Variants in KCNIP4 observed in about 807,000 individuals in gnomAD.
The protein encoded by KCNIP4 is potassium voltage-gated channel interacting protein 4, also known as Kv channel-interacting protein 4.
In KCNIP4, 12 loss-of-function variants were observed where a neutral mutation model predicts 34.0. That is an observed-to-expected ratio of 0.35 (90% CI 0.23 to 0.57). The LOEUF (loss-of-function observed/expected upper bound fraction) is 0.57. KCNIP4 is among the 20% of genes least tolerant of loss of function. The probability of loss-of-function intolerance (pLI) is 0.83; values close to 1 mark genes in which losing one functional copy is unlikely to be tolerated. For synonymous variants in KCNIP4, 124 were observed against 102.2 expected (o/e 1.21, Z -1.29); for missense variants, 238 against 311.7 (o/e 0.76, Z 1.78).
Position 21,489,321 on chromosome 4 carries a change from GAAAAAA to G in KCNIP4, c.61+459244_61+459249del, listed in dbSNP as rs529825719. On this transcript the variant is annotated intron_variant, in intron 1 of 8. Transcript: ENST00000382152. ...ACACTCAGTTTATGAACATAGAGTT[GAAAAAA>G]AAAAAAAAAAACTCCTTCCAGCACT... Among the ~76,000 whole-genome samples, 6 of 125,516 alleles carry G rather than the reference GAAAAAA, an allele frequency of 4.8e-5. No homozygotes were observed. In the South Asian group the frequency reaches 1.6e-3, roughly 34 times the overall value. 82.3% of individuals were successfully genotyped at this position (125,516 alleles called of 152,430 possible).
intron 1 of KCNIP4, among the ~76,000 whole-genome samples, chr4:21,074,756 C>A (rs1745320807): frequency 6.6e-6 from 1 of 152,182 alleles, no homozygotes; most frequent in Non-Finnish European, 1.5e-5. Flanking sequence ...ATCTTTCCTG[C>A]TTTCTCTTGT....
intron 1 of KCNIP4, among the ~76,000 whole-genome samples, chr4:20,950,002 G>A (rs1232791438): frequency 1.4e-5 from 2 of 147,520 alleles, no homozygotes; most frequent in African/African-American, 5.0e-5. Context: ...AAAACTTAAA[G>A]TATAATAATA....
At chr4:20,908,766 A>G (rs1040572945) in intron 1 of KCNIP4, among the ~76,000 whole-genome samples, 2 of 152,226 alleles carry the variant, frequency 1.3e-5, no homozygotes, top group Non-Finnish European at 2.9e-5. Context: ...TGGCTTGGGC[A>G]CACTACTTAT....
At chr4:21,143,323 G>A (rs892491995) in intron 1 of KCNIP4, among the ~76,000 whole-genome samples, 1 of 152,228 alleles carries the variant, frequency 6.6e-6, no homozygotes, top group Non-Finnish European at 1.5e-5. Context: ...TTTGCAGATA[G>A]AGAAGATTAA....
At chr4:21,586,269 T>C (rs1455818371) in intron 1 of KCNIP4, among the ~76,000 whole-genome samples, 1 of 152,264 alleles carries the variant, frequency 6.6e-6, no homozygotes, top group East Asian at 1.9e-4. Context: ...TTAAATTATA[T>C]GTTCCATAAG....
intron 1 of KCNIP4, among the ~76,000 whole-genome samples, chr4:21,394,118 G>A (rs1432144266): frequency 3.3e-5 from 5 of 152,090 alleles, no homozygotes; most frequent in Non-Finnish European, 7.4e-5. Context: ...CCTATAGAAT[G>A]TTTCAGATTC....
intron 1 of KCNIP4, among the ~76,000 whole-genome samples, chr4:21,518,582 C>G (rs542611419): frequency 6.6e-6 from 1 of 152,200 alleles, no homozygotes; most frequent in South Asian, 2.1e-4. Context: ...AGAGGTAGGA[C>G]CTGCCGAGGT....
chr4:21,576,445 GA>G (rs145528084), intron 1 of KCNIP4, among the ~76,000 whole-genome samples: 3,127 of 151,878 alleles, frequency 0.021, 120 homozygotes, highest in African/African-American at 0.071. Flanking sequence ...TCCTGTTACT[GA>G]AAAAAAATCT....
chr4:21,942,187 C>A (rs1432348927), intron 1 of KCNIP4, among the ~76,000 whole-genome samples: 1 of 152,192 alleles, frequency 6.6e-6, no homozygotes, highest in African/African-American at 2.4e-5. Context: ...CATCTCCATG[C>A]CTTTTTAAAT....
intron 1 of KCNIP4, among the ~76,000 whole-genome samples, chr4:21,726,755 C>T (rs982561800): frequency 6.6e-6 from 1 of 152,112 alleles, no homozygotes; most frequent in Non-Finnish European, 1.5e-5. Flanking sequence ...TCCTGTTCAC[C>T]ACCATTTATA....
At chr4:21,829,995 A>G (rs1040695815) in intron 1 of KCNIP4, among the ~76,000 whole-genome samples, 1 of 152,172 alleles carries the variant, frequency 6.6e-6, no homozygotes, top group Non-Finnish European at 1.5e-5. Flanking sequence ...GTTTTTATCT[A>G]TCAATAATTA....
chr4:21,073,635 T>C (rs1241547982), intron 1 of KCNIP4, among the ~76,000 whole-genome samples: 1 of 152,162 alleles, frequency 6.6e-6, no homozygotes, highest in African/African-American at 2.4e-5. Flanking sequence ...TATTTCTTTC[T>C]CCTGCCTGAT....
intron 1 of KCNIP4, among the ~76,000 whole-genome samples, chr4:21,426,663 G>C (rs753737352): frequency 6.6e-6 from 1 of 151,784 alleles, no homozygotes; most frequent in Non-Finnish European, 1.5e-5. Context: ...ATTAAACATC[G>C]TTTAAGGGAA....
At chr4:21,407,256 G>T (rs1292676818) in intron 1 of KCNIP4, among the ~76,000 whole-genome samples, 1 of 151,462 alleles carries the variant, frequency 6.6e-6, no homozygotes, top group Admixed American at 6.6e-5. Context: ...CACATGGCAG[G>T]CTCACCTCAT....
intron 1 of KCNIP4, among the ~76,000 whole-genome samples, chr4:21,069,058 T>C (rs1370904343): frequency 6.6e-6 from 1 of 152,218 alleles, no homozygotes; most frequent in African/African-American, 2.4e-5. Context: ...AATGTTACTT[T>C]CTTCTCAAGG....
At chr4:21,715,535 C>CA (rs570895761) in intron 1 of KCNIP4, among the ~76,000 whole-genome samples, 74 of 152,074 alleles carry the variant, frequency 4.9e-4, no homozygotes, top group Middle Eastern at 3.4e-3. Context: ...GTGAACTGAA[C>CA]AAAAAAATCC....
intron 1 of KCNIP4, among the ~76,000 whole-genome samples, chr4:21,387,476 T>C (rs916475687): frequency 6.6e-6 from 1 of 152,196 alleles, no homozygotes; most frequent in Non-Finnish European, 1.5e-5. Flanking sequence ...TCTCTCTTCA[T>C]GAAACTTGGT....
At chr4:21,839,338 G>C (rs1370189728) in intron 1 of KCNIP4, among the ~76,000 whole-genome samples, 1 of 152,134 alleles carries the variant, frequency 6.6e-6, no homozygotes, top group Non-Finnish European at 1.5e-5. Flanking sequence ...ACATAAGTCA[G>C]ATTATAGAAA....
chr4:21,909,424 GA>G (rs1336843908), intron 1 of KCNIP4, among the ~76,000 whole-genome samples: 3 of 152,006 alleles, frequency 2.0e-5, no homozygotes, highest in African/African-American at 7.2e-5. Flanking sequence ...CCTCCTCAGA[GA>G]AACTCCATCT....
Sources: allele counts gnomAD v4.1 joint callset (sites outside exome capture counted in the v4.1 genomes callset), GRCh38; gene constraint gnomAD v4.1.1; transcripts MANE v1.5; gene names NCBI Gene and HGNC (gene_info 2026-07-23, HGNC 2026-07-21).